TMEM71: variants seen among roughly 807,000 people sequenced by gnomAD.
TMEM71 encodes transmembrane protein 71.
In TMEM71, 44 loss-of-function variants were observed where a neutral mutation model predicts 38.0. The observed-to-expected ratio is 1.16, with a 90% CI of 0.91 to 1.49. The LOEUF is 1.49. TMEM71 is among the 40% of genes most tolerant of loss of function. The pLI, the probability that TMEM71 is intolerant of heterozygous loss-of-function variation, is 0.00. For synonymous variants in TMEM71, 133 were observed against 122.5 expected (o/e 1.09, Z -0.56); for missense variants, 367 against 348.6 (o/e 1.05, Z -0.42).
Position 132,722,085 on chromosome 8 carries a change from T to C in TMEM71, c.707A>G (p.Gln236Arg), listed in dbSNP as rs1826884963. Residue 236 changes from glutamine to arginine, a missense_variant, in exon 7 of 10, where the codon CAG (glutamine) becomes CGG (arginine). Physicochemically the swap from Gln to Arg is conservative, Grantham distance 43. Transcript: ENST00000677595. ...TAAGCACACAGCAAGCAGGATTGCC[T>C]GAAAGAAGACCTCTTGCAACAACCT... Reference protein sequence around the residue: ...ETRLLQEVFFQAILLAVCLII... With the variant: ...ETRLLQEVFFRAILLAVCLII... The C allele has an allele frequency of 6.2e-7, 1 of 1,613,936 alleles. No individual in the cohort carries two copies. Among genetic ancestry groups the C allele is most frequent in the African/African-American group, 1.3e-5 (1 of 74,988 alleles).
chr8:132,769,513 C>T, the TMEM71 span, among the ~76,000 whole-genome samples: 558 of 152,234 alleles, frequency 3.7e-3, 8 homozygotes, highest in African/African-American at 0.013. Context: ...GTCTCCCTGT[C>T]CCCTAAATTA....
chr8:132,759,768 C>A (rs1829230920), intron 1 of TMEM71, among the ~76,000 whole-genome samples: 1 of 152,116 alleles, frequency 6.6e-6, no homozygotes, highest in African/African-American at 2.4e-5. Context: ...TTCAATCAAT[C>A]AAACCAGGCT....
At chr8:132,718,801 G>A (rs1270166620) in intron 7 of TMEM71, among the ~76,000 whole-genome samples, 2 of 152,166 alleles carry the variant, frequency 1.3e-5, no homozygotes, top group Non-Finnish European at 2.9e-5. Flanking sequence ...CCAAGCATTT[G>A]AATTTTTGCC....
At chr8:132,716,271 G>A (rs1200920200) in intron 7 of TMEM71, among the ~76,000 whole-genome samples, 1 of 152,168 alleles carries the variant, frequency 6.6e-6, no homozygotes, top group African/African-American at 2.4e-5. Flanking sequence ...GGGTGCTATC[G>A]CAACCTAGCA....
At chr8:132,760,161 A>G (rs1233482017) in intron 1 of TMEM71, 3 of 148,266 alleles carry the variant, frequency 2.0e-5, no homozygotes, top group Non-Finnish European at 3.0e-5. Flanking sequence ...GTACACTGAC[A>G]TTCAATAGAA....
At chr8:132,735,465 G>A (rs1018957340) in intron 5 of TMEM71, among the ~76,000 whole-genome samples, 3 of 152,182 alleles carry the variant, frequency 2.0e-5, no homozygotes, top group African/African-American at 7.2e-5. Flanking sequence ...GGGGCCTTGG[G>A]TAAATCTGGA....
intron 7 of TMEM71, among the ~76,000 whole-genome samples, chr8:132,717,698 A>G (rs1171638151): frequency 1.3e-5 from 2 of 152,202 alleles, no homozygotes; most frequent in African/African-American, 4.8e-5. Context: ...GTTTCTAAAA[A>G]TATTAAATAT....
chr8:132,748,388 G>T (rs1003996422), intron 4 of TMEM71, among the ~76,000 whole-genome samples: 1 of 152,222 alleles, frequency 6.6e-6, no homozygotes, highest in Non-Finnish European at 1.5e-5. Flanking sequence ...CAGATGGTGA[G>T]AAGAGGCTAG....
chr8:132,747,930 G>A (rs1194030159), intron 4 of TMEM71, among the ~76,000 whole-genome samples: 2 of 152,170 alleles, frequency 1.3e-5, no homozygotes, highest in Admixed American at 6.5e-5. Context: ...GACATAATTC[G>A]GTTTGCATTT....
chr8:132,757,879 CA>C (rs1307590139), intron 2 of TMEM71: 1 of 148,236 alleles, frequency 6.7e-6, no homozygotes, highest in Non-Finnish European at 1.5e-5. Flanking sequence ...AATAATAAAT[CA>C]TTAGCATCAA....
At chr8:132,745,180 C>G (rs191973842) in intron 5 of TMEM71, among the ~76,000 whole-genome samples, 2 of 151,996 alleles carry the variant, frequency 1.3e-5, no homozygotes, top group African/African-American at 4.8e-5. Context: ...ACAAATAGAA[C>G]CTAATTAAAC....
At chr8:132,754,935 T>C (rs999428211) in intron 3 of TMEM71, among the ~76,000 whole-genome samples, 1 of 152,194 alleles carries the variant, frequency 6.6e-6, no homozygotes, top group Non-Finnish European at 1.5e-5. Flanking sequence ...TATTAATAAA[T>C]ATGAAAATGG....
chr8:132,729,707 T>A (rs532692592), intron 5 of TMEM71, among the ~76,000 whole-genome samples: 1 of 152,284 alleles, frequency 6.6e-6, no homozygotes, highest in South Asian at 2.1e-4. Context: ...GAAGTCATAG[T>A]AGTCAAAGGT....
chr8:132,712,839 T>TTTTTAC (rs1329873279), intron 9 of TMEM71, among the ~76,000 whole-genome samples: 5 of 149,738 alleles, frequency 3.3e-5, no homozygotes, highest in Non-Finnish European at 5.9e-5. Context: ...TTCTTTTTTC[T>TTTTTAC]TTTTTCTTTT....
At chr8:132,756,572 AAAT>A (rs912012201) in intron 3 of TMEM71, among the ~76,000 whole-genome samples, 10 of 149,270 alleles carry the variant, frequency 6.7e-5, no homozygotes, top group African/African-American at 2.0e-4. Context: ...ACATACAGGA[AAAT>A]AATAATAATA....
intron 5 of TMEM71, among the ~76,000 whole-genome samples, chr8:132,735,330 G>A (rs950167810): frequency 1.3e-5 from 2 of 152,154 alleles, no homozygotes; most frequent in African/African-American, 4.8e-5. Context: ...AGAAAATCAG[G>A]GGAAGTAATG....
chr8:132,763,926 C>T (rs891503682), upstream of TMEM71, among the ~76,000 whole-genome samples: 4 of 152,162 alleles, frequency 2.6e-5, no homozygotes, highest in African/African-American at 9.7e-5. Context: ...TTAATTTTAA[C>T]ACACTACAAA....
At chr8:132,738,807 C>A (rs967800388) in intron 5 of TMEM71, among the ~76,000 whole-genome samples, 2 of 151,938 alleles carry the variant, frequency 1.3e-5, no homozygotes, top group East Asian at 3.9e-4. Flanking sequence ...AGAACTGTTT[C>A]TTCATTTAAC....
Position 132,746,418 on chromosome 8 carries a change from C to CAT in TMEM71, c.487+522_487+523dup, listed in dbSNP as rs1287523872. ...ATATATACATATATATATACACACA[C>CAT]ATATATATACATATATATATACATA... On this transcript the variant is annotated intron_variant, in intron 5 of 9. Transcript: ENST00000677595. Among the ~76,000 whole-genome samples the CAT allele has an allele frequency of 1.1e-3, 42 of 37,548 alleles. 1 individual carries two copies. In the South Asian group the frequency reaches 0.012, roughly 11 times the overall value. The allele number at this position is 37,548 out of a possible 152,430, so 24.6% of individuals were successfully genotyped here. A position where few individuals can be genotyped will look rare whatever the true frequency, so the allele number is the denominator to read the frequency against.
Sources: gnomAD v4.1 joint callset for allele counts (sites outside exome capture counted in the v4.1 genomes callset) on GRCh38, gnomAD v4.1.1 for gene constraint, MANE v1.5 for transcripts, NCBI Gene and HGNC (gene_info 2026-07-23, HGNC 2026-07-21) for gene names.